Variants in P3H2 observed in about 807,000 individuals in gnomAD.
The protein encoded by P3H2 is prolyl 3-hydroxylase 2.
In P3H2, 80 loss-of-function variants were observed where a neutral mutation model predicts 87.0. The observed-to-expected ratio is 0.92, with a 90% CI of 0.77 to 1.11. The LOEUF is 1.11. Among genes scored for constraint, P3H2 ranks in the 50% least tolerant of loss-of-function variants. P3H2 has a pLI of 0.00. For synonymous variants in P3H2, 367 were observed against 359.3 expected (o/e 1.02, Z -0.24); for missense variants, 1,001 against 923.9 (o/e 1.08, Z -1.08).
chr3:189,985,409 T>G (rs1723658989), intron 6 of P3H2, among the ~76,000 whole-genome samples: 1 of 151,552 alleles, frequency 6.6e-6, no homozygotes, highest in East Asian at 1.9e-4. Context: ...ATGTTATTTC[T>G]TATCGCTGAT....
upstream of P3H2, among the ~76,000 whole-genome samples, chr3:190,121,997 C>G (rs939926266): frequency 1.4e-5 from 2 of 147,746 alleles, no homozygotes; most frequent in Non-Finnish European, 3.0e-5. Context: ...GAGGCTGAGG[C>G]AGGATAATTG....
At chr3:190,119,352 A>G (rs1712441370) in intron 1 of P3H2, among the ~76,000 whole-genome samples, 1 of 152,132 alleles carries the variant, frequency 6.6e-6, no homozygotes, top group African/African-American at 2.4e-5. Flanking sequence ...AGAAAACGAG[A>G]AAGAAGGGTT....
intron 1 of P3H2, among the ~76,000 whole-genome samples, chr3:190,067,984 T>C (rs1446342419): frequency 9.2e-5 from 14 of 152,092 alleles, no homozygotes; most frequent in Admixed American, 9.2e-4. Context: ...ACAAATAGCA[T>C]GAGTTAGATT....
chr3:190,081,687 T>C lies in P3H2; in HGVS notation c.480+38565A>G, dbSNP rs577412481. On this transcript the variant is annotated intron_variant, in intron 1 of 14. Coordinates refer to ENST00000319332, the MANE Select transcript of P3H2 (RefSeq NM_018192.4). ...GCCAGCATTGTTTCCATGCTAGCCC[T>C]GCATATTACTGTTTTGCATGCATTA... 1.5e-4 allele frequency among the ~76,000 whole-genome samples: 23 copies of C among 152,314 alleles called. 1 individual carries two copies. In the South Asian group the frequency reaches 4.8e-3, roughly 32 times the overall value.
chr3:189,986,979 G>C (rs1220271093), intron 5 of P3H2, 102 bp from the exon 6 acceptor site: 1 of 796,084 alleles, frequency 1.3e-6, no homozygotes, highest in Non-Finnish European at 2.2e-6. Context: ...AGTCACAAAT[G>C]AGCTAACAAA....
At chr3:190,074,473 T>A (rs915655336) in intron 1 of P3H2, among the ~76,000 whole-genome samples, 2 of 152,106 alleles carry the variant, frequency 1.3e-5, no homozygotes, top group Admixed American at 1.3e-4. Flanking sequence ...ATCGCACCAC[T>A]GTACCCCAGC....
Position 189,994,140 on chromosome 3 carries a change from T to G in P3H2, c.777A>C (p.Glu259Asp). Residue 259 changes from glutamate to aspartate, a missense_variant, in exon 3 of 15, where the codon GAA (glutamate) becomes GAC (aspartate). Glu to Asp is a conservative substitution (Grantham distance 45). Transcript: ENST00000319332. ...CAGCCTTATACCCTAAATACTCATATTCTTCAAATCTCTGAGGCCCCTCAC... is the reference window on the plus strand; with the variant it reads ...CAGCCTTATACCCTAAATACTCATAGTCTTCAAATCTCTGAGGCCCCTCAC... ...TLCEGPQRFE[E>D]YEYLGYKAGL... 4 of 1,613,780 alleles carry G rather than the reference T, an allele frequency of 2.5e-6. No homozygotes were observed. Among genetic ancestry groups the G allele is most frequent in the Non-Finnish European group, 3.4e-6 (4 of 1,179,840 alleles).
rs371622835 is a variant in P3H2 at position 190,007,959 on chromosome 3, G to GACACACACACACACACACACAC, written c.481-12518_481-12517insGTGTGTGTGTGTGTGTGTGTGT. On this transcript the variant is annotated intron_variant, in intron 1 of 14. Transcript: ENST00000319332. ...TCAGCTGCCTGAGACTCTATTTGTTGACACACATATATATATATATATATA... is the reference window on the plus strand; with the variant it reads ...TCAGCTGCCTGAGACTCTATTTGTTGACACACACACACACACACACACACACACATATATATATATATATATA... 4.4e-3 allele frequency among the ~76,000 whole-genome samples: 445 copies of GACACACACACACACACACACAC among 100,702 alleles called. 10 individuals are homozygous for GACACACACACACACACACACAC. Among genetic ancestry groups the GACACACACACACACACACACAC allele is most frequent in the Non-Finnish European group, 6.5e-3 (329 of 50,434 alleles). The allele number at this position is 100,702 out of a possible 152,430, so 66.1% of individuals were successfully genotyped here. A position where few individuals can be genotyped will look rare whatever the true frequency, so the allele number is the denominator to read the frequency against.
At chr3:189,966,078 G>GA (rs1430772697) in intron 13 of P3H2, among the ~76,000 whole-genome samples, 1 of 125,402 alleles carries the variant, frequency 8.0e-6, no homozygotes, top group Non-Finnish European at 1.6e-5. Context: ...AAGAAGGAAA[G>GA]AAAGGAAGAA....
chr3:190,070,732 A>G (rs1458581804), intron 1 of P3H2, among the ~76,000 whole-genome samples: 2 of 152,204 alleles, frequency 1.3e-5, no homozygotes, highest in Non-Finnish European at 2.9e-5. Flanking sequence ...CTTCAGTTAA[A>G]CAACACATTG....
At chr3:189,969,374 A>G in intron 13 of P3H2, 2 of 806,826 alleles carry the variant, frequency 2.5e-6, no homozygotes, top group Non-Finnish European at 4.4e-6. Flanking sequence ...GTCCCCTTTG[A>G]ATGTCACCAG....
intron 1 of P3H2, among the ~76,000 whole-genome samples, chr3:190,009,378 T>C (rs937107409): frequency 2.6e-5 from 4 of 152,194 alleles, no homozygotes; most frequent in Admixed American, 6.5e-5. Flanking sequence ...TCGAGTAGCA[T>C]AGGATGGTCT....
chr3:190,074,156 T>TTTCAAGC (rs1726792759), intron 1 of P3H2, among the ~76,000 whole-genome samples: 1 of 152,196 alleles, frequency 6.6e-6, no homozygotes, highest in African/African-American at 2.4e-5. Flanking sequence ...TAAAGTGTGA[T>TTTCAAGC]TGGATAACTT....
At chr3:190,056,136 G>A (rs1168132757) in intron 1 of P3H2, among the ~76,000 whole-genome samples, 4 of 152,168 alleles carry the variant, frequency 2.6e-5, no homozygotes. Flanking sequence ...CCATGTGAAG[G>A]ACGTAGTGAG....
intron 1 of P3H2, among the ~76,000 whole-genome samples, chr3:190,091,038 C>T (rs1727394788): frequency 6.6e-6 from 1 of 152,168 alleles, no homozygotes. Context: ...TACCTGCCAA[C>T]ACAGGTATTC....
intron 1 of P3H2, among the ~76,000 whole-genome samples, chr3:190,086,161 T>C (rs1727203966): frequency 6.6e-6 from 1 of 152,156 alleles, no homozygotes; most frequent in Non-Finnish European, 1.5e-5. Flanking sequence ...GATTCTAATC[T>C]TCCTAATACA....
At chr3:189,974,336 C>T in intron 9 of P3H2, 1 of 644,824 alleles carries the variant, frequency 1.6e-6, no homozygotes. Flanking sequence ...GGCTGTTGGG[C>T]TAGGAAATAT....
At chr3:190,003,417 A>C (rs1724276334) in intron 1 of P3H2, among the ~76,000 whole-genome samples, 1 of 152,178 alleles carries the variant, frequency 6.6e-6, no homozygotes, top group South Asian at 2.1e-4. Flanking sequence ...GGTAAGGAAA[A>C]CATTAAAGTG....
chr3:190,011,222 G>A (rs1054035394), intron 1 of P3H2, among the ~76,000 whole-genome samples: 14 of 149,056 alleles, frequency 9.4e-5, no homozygotes, highest in South Asian at 2.1e-4. Context: ...GCAGTGAGCC[G>A]AGATTGCGCC....
Sources: gnomAD v4.1 joint callset for allele counts (sites outside exome capture counted in the v4.1 genomes callset) on GRCh38, gnomAD v4.1.1 for gene constraint, MANE v1.5 for transcripts, NCBI Gene and HGNC (gene_info 2026-07-23, HGNC 2026-07-21) for gene names.